The following DPP10 variants were observed in gnomAD, a reference collection of about 807,000 sequenced individuals.
DPP10 encodes inactive dipeptidyl peptidase 10.
Under a neutral mutation model 120.9 loss-of-function variants are expected in DPP10, and 33 were observed. The observed-to-expected ratio is 0.27, with a 90% CI of 0.21 to 0.37. DPP10 has a LOEUF of 0.37. Ranked by LOEUF, DPP10 falls within the 10% of genes least tolerant of loss-of-function variation. The pLI, the probability that DPP10 is intolerant of heterozygous loss-of-function variation, is 1.00. For missense variants in DPP10, 816 were observed against 942.8 expected (o/e 0.87, Z 1.76); for synonymous variants, 337 against 326.1 (o/e 1.03, Z -0.36).
At chr2:115,092,500 G>A (rs921614657) in intron 1 of DPP10, among the ~76,000 whole-genome samples, 1 of 151,782 alleles carries the variant, frequency 6.6e-6, no homozygotes, top group Non-Finnish European at 1.5e-5. Context: ...ATCACCTTTC[G>A]GTCTCAGAGT....
chr2:115,145,591 T>C (rs1012868234), intron 1 of DPP10, among the ~76,000 whole-genome samples: 1 of 152,238 alleles, frequency 6.6e-6, no homozygotes, highest in African/African-American at 2.4e-5. Context: ...TTGGCAATTA[T>C]AAATACAGTG....
At chr2:115,681,699 G>GCCTT (rs2090662720) in intron 5 of DPP10, among the ~76,000 whole-genome samples, 2 of 56,646 alleles carry the variant, frequency 3.5e-5, no homozygotes, top group Non-Finnish European at 4.4e-5. Context: ...CTTCCTTCCT[G>GCCTT]CCTTCCTACC....
chr2:115,777,687 C>G, intron 14 of DPP10, 100 bp from the exon 15 acceptor site: 2 of 1,231,564 alleles, frequency 1.6e-6, no homozygotes, highest in Non-Finnish European at 2.3e-6. Context: ...GGTGAAGATT[C>G]AATGTGAATT....
At chr2:114,462,025 T>C (rs1243382380) in intron 1 of DPP10, 1 of 985,180 alleles carries the variant, frequency 1.0e-6, no homozygotes, top group Non-Finnish European at 1.2e-6. Context: ...TTCAAATTCA[T>C]CGCAGTTGAG....
intron 1 of DPP10, among the ~76,000 whole-genome samples, chr2:114,565,036 T>TAAGCAATATACA (rs1689090609): frequency 6.6e-6 from 1 of 152,188 alleles, no homozygotes; most frequent in Non-Finnish European, 1.5e-5. Flanking sequence ...ATGAGTTATA[T>TAAGCAATATACA]AAGCAATATA....
chr2:114,717,290 G>A (rs768196629), intron 1 of DPP10, among the ~76,000 whole-genome samples: 3 of 152,164 alleles, frequency 2.0e-5, no homozygotes, highest in Non-Finnish European at 2.9e-5. Context: ...AATTCTCAGA[G>A]ACTGTTTTGT....
At chr2:115,576,301 G>A (rs943112196) in intron 5 of DPP10, among the ~76,000 whole-genome samples, 1 of 152,166 alleles carries the variant, frequency 6.6e-6, no homozygotes, top group Non-Finnish European at 1.5e-5. Flanking sequence ...GAACAAGACA[G>A]TATTTTGAGA....
At chr2:114,632,513 T>TG (rs1558949964) in intron 1 of DPP10, among the ~76,000 whole-genome samples, 5 of 132,026 alleles carry the variant, frequency 3.8e-5, no homozygotes, top group African/African-American at 1.5e-4. Context: ...GTTTTTTTTT[T>TG]TTTTTTTTTT....
intron 1 of DPP10, among the ~76,000 whole-genome samples, chr2:114,839,563 A>G (rs1027671763): frequency 6.6e-6 from 1 of 152,138 alleles, no homozygotes; most frequent in Non-Finnish European, 1.5e-5. Context: ...AAGTAACCAA[A>G]CATTTCTACT....
chr2:114,833,955 T>C (rs1447583391), intron 1 of DPP10: 1 of 152,036 alleles, frequency 6.6e-6, no homozygotes, highest in Non-Finnish European at 1.5e-5. Flanking sequence ...TGCCAAAGTA[T>C]AATGATTGAG....
chr2:114,995,459 C>T (rs1701019670), intron 1 of DPP10, among the ~76,000 whole-genome samples: 1 of 151,940 alleles, frequency 6.6e-6, no homozygotes, highest in Non-Finnish European at 1.5e-5. Flanking sequence ...TTATTTCTAA[C>T]AGGCTTCTAA....
intron 1 of DPP10, among the ~76,000 whole-genome samples, chr2:115,031,612 G>A (rs1400566201): frequency 6.6e-6 from 1 of 152,134 alleles, no homozygotes; most frequent in Non-Finnish European, 1.5e-5. Context: ...GAAACCAAGA[G>A]AAGAGCTAAG....
intron 17 of DPP10, among the ~76,000 whole-genome samples, chr2:115,783,871 G>A (rs7423823): frequency 1.3e-5 from 2 of 151,846 alleles, no homozygotes; most frequent in Non-Finnish European, 2.9e-5. Context: ...AGTGTCCTCC[G>A]AGACAAATAA....
intron 4 of DPP10, among the ~76,000 whole-genome samples, chr2:115,504,500 A>G (rs951143746): frequency 6.6e-6 from 1 of 151,860 alleles, no homozygotes; most frequent in Non-Finnish European, 1.5e-5. Flanking sequence ...TATTTTTATC[A>G]TTCACTATGA....
At chr2:115,482,104 T>C (rs1365871564) in intron 3 of DPP10, among the ~76,000 whole-genome samples, 1 of 152,070 alleles carries the variant, frequency 6.6e-6, no homozygotes, top group Non-Finnish European at 1.5e-5. Flanking sequence ...ATCTAAAGTT[T>C]TGTATTTGAA....
At chr2:114,702,699 C>T (rs943069224) in intron 1 of DPP10, among the ~76,000 whole-genome samples, 1 of 152,084 alleles carries the variant, frequency 6.6e-6, no homozygotes, top group Non-Finnish European at 1.5e-5. Flanking sequence ...GGTCTGCACA[C>T]GTATAAGTCA....
intron 2 of DPP10, among the ~76,000 whole-genome samples, chr2:115,335,679 A>G (rs1347791367): frequency 2.0e-5 from 3 of 152,106 alleles, no homozygotes; most frequent in African/African-American, 2.4e-5. Flanking sequence ...GACTATTGTG[A>G]TTTGCATTCT....
intron 3 of DPP10, among the ~76,000 whole-genome samples, chr2:115,441,503 C>T (rs1366641874): frequency 6.6e-6 from 1 of 152,168 alleles, no homozygotes; most frequent in South Asian, 2.1e-4. Flanking sequence ...ATCTTTCCTA[C>T]TTCTGCCTAT....
chr2:115,500,964 T>C (rs2076651359), intron 4 of DPP10, among the ~76,000 whole-genome samples: 1 of 152,012 alleles, frequency 6.6e-6, no homozygotes, highest in Non-Finnish European at 1.5e-5. Context: ...GAAGATAGGA[T>C]AGGAGACAGA....
Sources: gnomAD v4.1 joint callset for allele counts (sites outside exome capture counted in the v4.1 genomes callset) on GRCh38, gnomAD v4.1.1 for gene constraint, MANE v1.5 for transcripts, NCBI Gene and HGNC (gene_info 2026-07-23, HGNC 2026-07-21) for gene names.